The following RBFOX1 variants were observed in gnomAD, a reference collection of about 807,000 sequenced individuals.
RBFOX1 encodes RNA binding protein fox-1 homolog 1.
A neutral mutation model predicts 57.7 loss-of-function variants in RBFOX1; 8 were observed. The observed-to-expected ratio is 0.14, with a 90% confidence interval of 0.08 to 0.25. The LOEUF is 0.25. Ranked by LOEUF, RBFOX1 falls within the 10% of genes least tolerant of loss-of-function variation. The pLI is 1.00. For synonymous variants in RBFOX1, 326 were observed against 222.4 expected, an observed-to-expected ratio of 1.47 and a Z score of -4.15; for missense variants, 611 against 548.5, an observed-to-expected ratio of 1.11 and a Z score of -1.14.
At chr16:7,312,905 C>T (rs917977345) in intron 4 of RBFOX1, among the ~76,000 whole-genome samples, 2 of 151,412 alleles carry the variant, frequency 1.3e-5, no homozygotes, top group African/African-American at 2.4e-5. Flanking sequence ...GAGAGTCTGG[C>T]GGAGCTCTCT....
chr16:6,374,978 C>G (rs1258044031), intron 2 of RBFOX1, among the ~76,000 whole-genome samples: 1 of 152,200 alleles, frequency 6.6e-6, no homozygotes, highest in African/African-American at 2.4e-5. Flanking sequence ...TGAAAACAGT[C>G]TGCAGAACAA....
intron 4 of RBFOX1, among the ~76,000 whole-genome samples, chr16:5,897,772 G>A (rs17642480): frequency 0.29 from 43,879 of 151,552 alleles, 7,772 homozygotes; most frequent in South Asian, 0.49. Context: ...ATAGCCACAT[G>A]TAAGAGCATC....
At chr16:6,537,532 T>TG (rs1250402274) in intron 2 of RBFOX1, among the ~76,000 whole-genome samples, 2 of 152,204 alleles carry the variant, frequency 1.3e-5, no homozygotes, top group African/African-American at 2.4e-5. Flanking sequence ...ATCGAGTTGC[T>TG]GAGCTAACAC....
At chr16:7,096,025 AAAAAG>A (rs1567237467) in intron 4 of RBFOX1, among the ~76,000 whole-genome samples, 2 of 148,640 alleles carry the variant, frequency 1.3e-5, no homozygotes, top group South Asian at 2.2e-4. Flanking sequence ...AAAAAAAAAA[AAAAAG>A]AAAAGAAAAG....
At chr16:7,706,723 T>G (rs1425570330) in intron 14 of RBFOX1, among the ~76,000 whole-genome samples, 2 of 152,198 alleles carry the variant, frequency 1.3e-5, no homozygotes, top group East Asian at 3.9e-4. Flanking sequence ...CAAATTTAAG[T>G]ACCTTAAAAA....
chr16:7,230,374 C>T (rs1365232529), intron 4 of RBFOX1, among the ~76,000 whole-genome samples: 1 of 152,104 alleles, frequency 6.6e-6, no homozygotes, highest in Admixed American at 6.5e-5. Context: ...AGTCATGCCT[C>T]AGTTTTGGCT....
chr16:6,126,308 C>G (rs914463629), intron 1 of RBFOX1, among the ~76,000 whole-genome samples: 1 of 152,240 alleles, frequency 6.6e-6, no homozygotes, highest in Non-Finnish European at 1.5e-5. Context: ...TGTTAGCCCT[C>G]TCTTACCTTC....
chr16:5,614,263 C>T (rs116960486), intron 3 of RBFOX1, among the ~76,000 whole-genome samples: 3 of 152,178 alleles, frequency 2.0e-5, no homozygotes, highest in Non-Finnish European at 2.9e-5. Context: ...AACAAATTTG[C>T]ACATGGACTA....
At chr16:6,439,980 C>T (rs1275045759) in intron 2 of RBFOX1, among the ~76,000 whole-genome samples, 6 of 80,714 alleles carry the variant, frequency 7.4e-5, no homozygotes, top group South Asian at 7.1e-4. Context: ...ATTAGTCTTA[C>T]TCTGTCACCC....
At chr16:6,145,936 C>T (rs1322662193) in intron 1 of RBFOX1, among the ~76,000 whole-genome samples, 1 of 152,144 alleles carries the variant, frequency 6.6e-6, no homozygotes, top group East Asian at 1.9e-4. Flanking sequence ...GATGAATTTG[C>T]ACTAATCCAG....
intron 2 of RBFOX1, among the ~76,000 whole-genome samples, chr16:6,445,401 G>C (rs2083355909): frequency 1.3e-5 from 2 of 151,922 alleles, no homozygotes; most frequent in African/African-American, 2.4e-5. Context: ...CTAAAGCTCA[G>C]AGAAAAACTC....
intron 4 of RBFOX1, among the ~76,000 whole-genome samples, chr16:7,508,898 G>C (rs545336578): frequency 6.6e-6 from 1 of 152,352 alleles, no homozygotes; most frequent in South Asian, 2.1e-4. Context: ...GTGATAAGCA[G>C]CTATCTGTAG....
intron 1 of RBFOX1, among the ~76,000 whole-genome samples, chr16:6,124,746 T>G (rs1276073214): frequency 6.6e-6 from 1 of 152,116 alleles, no homozygotes; most frequent in East Asian, 1.9e-4. Flanking sequence ...CAGGCTGGTC[T>G]CAAACTCCTG....
intron 1 of RBFOX1, among the ~76,000 whole-genome samples, chr16:6,164,666 A>G (rs1043613501): frequency 3.3e-5 from 5 of 151,790 alleles, no homozygotes; most frequent in Non-Finnish European, 5.9e-5. Flanking sequence ...TTTAGTAGAA[A>G]TGGAGTTTTG....
At chr16:6,658,515 T>A (rs1292930497) in intron 3 of RBFOX1, among the ~76,000 whole-genome samples, 1 of 152,090 alleles carries the variant, frequency 6.6e-6, no homozygotes, top group African/African-American at 2.4e-5. Context: ...CCGAGAGCCC[T>A]CATCTTGTTG....
At chr16:7,419,936 T>TC (rs897677142) in intron 4 of RBFOX1, among the ~76,000 whole-genome samples, 9 of 108,948 alleles carry the variant, frequency 8.3e-5, no homozygotes, top group Middle Eastern at 3.7e-3. Context: ...TTTTTTTTTT[T>TC]TTTTTTTTAA....
chr16:7,238,863 G>A (rs2152958509), intron 4 of RBFOX1, among the ~76,000 whole-genome samples: 1 of 152,114 alleles, frequency 6.6e-6, no homozygotes, highest in Admixed American at 6.5e-5. Context: ...TTATCATTTA[G>A]CTCCCACTTA....
chr16:6,438,109 C>T (rs2094286593), intron 2 of RBFOX1, among the ~76,000 whole-genome samples: 2 of 152,156 alleles, frequency 1.3e-5, no homozygotes, highest in Admixed American at 1.3e-4. Context: ...TCATCAAAGA[C>T]CTTGCTATTT....
intron 3 of RBFOX1, among the ~76,000 whole-genome samples, chr16:5,757,867 T>C (rs138594970): frequency 6.6e-6 from 1 of 152,262 alleles, no homozygotes; most frequent in Non-Finnish European, 1.5e-5. Context: ...CTACTTCTCT[T>C]GGGTCTCAAG....
Sources: gnomAD v4.1 joint callset for allele counts (sites outside exome capture counted in the v4.1 genomes callset) on GRCh38, gnomAD v4.1.1 for gene constraint, MANE v1.5 for transcripts, NCBI Gene and HGNC (gene_info 2026-07-23, HGNC 2026-07-21) for gene names.